TRIP11: variants seen among roughly 807,000 people sequenced by gnomAD.
The protein encoded by TRIP11 is thyroid hormone receptor interactor 11, also known as thyroid receptor-interacting protein 11.
A neutral mutation model predicts 223.1 loss-of-function variants in TRIP11; 148 were observed. The observed-to-expected ratio is 0.66, with a 90% CI of 0.58 to 0.76. The LOEUF (loss-of-function observed/expected upper bound fraction) is 0.76, where lower values mean the gene tolerates loss of function less well. Ranked by LOEUF, TRIP11 falls within the 30% of genes least tolerant of loss-of-function variation. The pLI, the probability that TRIP11 is intolerant of heterozygous loss-of-function variation, is 0.00. For synonymous variants in TRIP11, 762 were observed against 772.6 expected, an observed-to-expected ratio of 0.99 and a Z score of 0.23; for missense variants, 2,043 against 2,222.0, an observed-to-expected ratio of 0.92 and a Z score of 1.62.
At chr14:92,021,345 C>T (rs1457782965) in intron 4 of TRIP11, among the ~76,000 whole-genome samples, 7 of 148,298 alleles carry the variant, frequency 4.7e-5, no homozygotes, top group Admixed American at 1.3e-4. Context: ...GCCAAGATCA[C>T]GCTACTACAC....
At chr14:92,014,176 T>C (rs758770340) in intron 7 of TRIP11, 39 bp downstream of exon 7, 4 of 1,613,000 alleles carry the variant, frequency 2.5e-6, no homozygotes, top group Non-Finnish European at 2.5e-6. Context: ...TACTATGCAA[T>C]GAAACAGCAA....
chr14:92,039,622 T>G lies in TRIP11; in HGVS notation c.64A>C (p.Ser22Arg), dbSNP rs771479851. ...LGQSLGQVGG[S>R]LASLTGQISN... ...ATCTGGCCAGTGAGGGAAGCCAGGC[T>G]GCCCCCGACTTGACCCAGAGACTGG... The change falls in exon 1 of 21, where the codon AGC becomes CGC. Residue 22 changes from serine to arginine, a missense_variant. Ser to Arg is a moderately radical substitution (Grantham distance 110). Transcript: ENST00000267622. 1 of 1,612,932 alleles carries G rather than the reference T, an allele frequency of 6.2e-7. No individual in the cohort carries two copies. Among genetic ancestry groups the G allele is most frequent in the Admixed American group, 1.7e-5 (1 of 59,834 alleles).
intron 11 of TRIP11, 59 bp downstream of exon 11, chr14:92,003,360 A>AT: frequency 1.3e-6 from 2 of 1,597,956 alleles, no homozygotes; most frequent in African/African-American, 1.3e-5. Flanking sequence ...ATGAAATAAC[A>AT]TTAAAAAAAG....
intron 2 of TRIP11, chr14:92,026,902 A>G (rs897885322): frequency 1.5e-5 from 22 of 1,490,152 alleles, no homozygotes; most frequent in Admixed American, 2.0e-5. Context: ...CAAAAAAGGA[A>G]AAGTTAAACT....
chr14:91,983,857 C>T (rs998992784), intron 16 of TRIP11, among the ~76,000 whole-genome samples: 3 of 152,118 alleles, frequency 2.0e-5, no homozygotes, highest in African/African-American at 4.8e-5. Context: ...TCCTGGAAAA[C>T]GGAATGTCTT....
Position 92,005,432 on chromosome 14 carries a change from T to C in TRIP11, c.2544A>G (p.Ile848Met), listed in dbSNP as rs1362231056. 1 of 1,614,126 alleles carries C rather than the reference T, an allele frequency of 6.2e-7. No homozygotes were observed. The highest frequency in any genetic ancestry group is 1.3e-5 in the African/African-American group (1 of 75,056). The change falls in exon 11 of 21, where the codon ATA (isoleucine) becomes ATG (methionine). Residue 848 changes from isoleucine (I) to methionine (M), a missense_variant. Transcript: ENST00000267622. ...ATCCAAGACTTCGGTCTTTTTCCTCTATGGTCTGTCTTAAAATTTCATTTT... is the reference window on the plus strand; with the variant it reads ...ATCCAAGACTTCGGTCTTTTTCCTCCATGGTCTGTCTTAAAATTTCATTTT... ...LRKNEILRQT[I>M]EEKDRSLGSM...
At chr14:91,979,482 A>G (rs548669917) in intron 16 of TRIP11, among the ~76,000 whole-genome samples, 2 of 152,182 alleles carry the variant, frequency 1.3e-5, no homozygotes, top group Non-Finnish European at 2.9e-5. Flanking sequence ...GGTTTTTATT[A>G]AAGTCTCTGT....
At position 91,995,459 on chromosome 14, in the gene TRIP11, T is replaced by C. The variant is rs148041481; in HGVS notation, c.4949A>G (p.Lys1650Arg). 1.2e-6 allele frequency: 2 copies of C among 1,613,992 alleles called. No homozygotes were observed. The highest frequency in any genetic ancestry group is 3.3e-5 in the Admixed American group (2 of 59,996). ...CTGCAGCGCAGTTTCATCCCTTTGC[T>C]TGGAAACTACATTCAACTGTTCTTG... ...SLQEQLNVVS[K>R]QRDETALQLS... is the part of the protein sequence containing the mutation. Residue 1650 changes from lysine (K) to arginine (R), a missense_variant, in exon 14 of 21, where the codon AAG becomes AGG. By Grantham distance (26) the Lys-to-Arg change is conservative. Coordinates refer to ENST00000267622, the MANE Select transcript of TRIP11 (RefSeq NM_004239.4).
intron 17 of TRIP11, 27 bp downstream of exon 17, chr14:91,976,081 T>A: frequency 6.2e-7 from 1 of 1,602,408 alleles, no homozygotes; most frequent in Non-Finnish European, 8.5e-7. Flanking sequence ...CCACAAAATA[T>A]ACAAACATTA....
rs17127830 is a variant in TRIP11, at chr14:91,989,087, A to C, written c.5161-704T>G. Among the ~76,000 whole-genome samples, 1,327 of 152,320 alleles carry C rather than the reference A, an allele frequency of 8.7e-3. 19 individuals are homozygous for C. The highest frequency in any genetic ancestry group is 0.029 in the African/African-American group (1,218 of 41,582). On this transcript the variant is annotated intron_variant, in intron 15 of 20. Coordinates refer to ENST00000267622, the MANE Select transcript of TRIP11 (RefSeq NM_004239.4). ...TTGCTTTTACAGCTTCTTAAGTTTT[A>C]GTCTTGGTTAGGATCCTCCTTGCCC...
chr14:91,972,649 T>C (rs969025608), intron 20 of TRIP11, 68 bp downstream of exon 20: 16 of 1,499,154 alleles, frequency 1.1e-5, no homozygotes, highest in Non-Finnish European at 1.5e-5. Flanking sequence ...TTAATATCAC[T>C]GTGAAACATA....
intron 7 of TRIP11, among the ~76,000 whole-genome samples, chr14:92,012,760 T>C (rs537463956): frequency 7.2e-5 from 11 of 152,216 alleles, no homozygotes; most frequent in African/African-American, 2.4e-4. Context: ...GTCAGGAGCA[T>C]GGGAATAGTT....
intron 11 of TRIP11, among the ~76,000 whole-genome samples, chr14:92,001,272 G>GTGGA (rs1259652604): frequency 6.6e-6 from 1 of 151,892 alleles, no homozygotes; most frequent in Non-Finnish European, 1.5e-5. Flanking sequence ...AATATGTAAT[G>GTGGA]TATCCCCCAG....
chr14:92,017,624 C>T, intron 5 of TRIP11, 58 bp downstream of exon 5: 1 of 1,350,102 alleles, frequency 7.4e-7, no homozygotes, highest in Non-Finnish European at 1.1e-6. Context: ...CAGGCCTATG[C>T]TTTTAATAAG....
At chr14:91,972,613 CAT>C (rs2056413464) in intron 20 of TRIP11, 102 bp downstream of exon 20, 2 of 1,234,644 alleles carry the variant, frequency 1.6e-6, no homozygotes, top group East Asian at 4.9e-5. Flanking sequence ...CCTGATTACA[CAT>C]TTCCAAAAAT....
intron 11 of TRIP11, among the ~76,000 whole-genome samples, chr14:92,002,880 C>T (rs945901842): frequency 6.6e-6 from 1 of 152,096 alleles, no homozygotes; most frequent in African/African-American, 2.4e-5. Flanking sequence ...CGCGCCCAGC[C>T]AGCACATTCT....
Position 92,006,120 on chromosome 14 carries a change from T to C in TRIP11, c.1856A>G (p.Glu619Gly), listed in dbSNP as rs907911784. The change falls in exon 11 of 21, where the codon GAG (glutamate) becomes GGG (glycine). Residue 619 changes from glutamate (E) to glycine (G), a missense_variant. Coordinates refer to ENST00000267622, the MANE Select transcript of TRIP11 (RefSeq NM_004239.4). ...LKEHIRQNEE[E>G]LSRIRNELMQ... ...TAACTCATTCCTTATTCTAGAAAGC[T>C]CCTCCTCATTTTGTCTAATATGCTC... 1 of 1,608,644 alleles carries C rather than the reference T, an allele frequency of 6.2e-7. No homozygotes were observed. Among genetic ancestry groups the C allele is most frequent in the Non-Finnish European group, 8.5e-7 (1 of 1,178,462 alleles).
rs779711976 is a variant in TRIP11 at position 91,969,783 on chromosome 14, C to T, written c.5830G>A (p.Gly1944Arg). 5.0e-6 allele frequency: 8 copies of T among 1,613,968 alleles called. No individual in the cohort carries two copies. The highest frequency in any genetic ancestry group is 1.7e-5 in the Admixed American group (1 of 59,996). The change falls in exon 21 of 21, where the codon GGG (glycine) becomes AGG (arginine). Residue 1944 changes from glycine (G) to arginine (R), a missense_variant. Physicochemically the swap from Gly to Arg is moderately radical, Grantham distance 125. Transcript: ENST00000267622. ...GAGATGGGTTTCAGAAGAAGATGCCCGGGCCCACCAGGTCCAAGTCCAGCT... is the reference window on the plus strand; with the variant it reads ...GAGATGGGTTTCAGAAGAAGATGCCTGGGCCCACCAGGTCCAAGTCCAGCT... Reference protein sequence around the residue: ...NPAGLGPGGPGHLLLKPISDV... With the variant: ...NPAGLGPGGPRHLLLKPISDV...
At chr14:91,999,907 T>G in intron 12 of TRIP11, 61 bp downstream of exon 12, 1 of 1,600,254 alleles carries the variant, frequency 6.2e-7, no homozygotes, top group Non-Finnish European at 8.6e-7. Context: ...ACCTTTCCAG[T>G]TCTCTTAATA....
Sources: allele counts gnomAD v4.1 joint callset (sites outside exome capture counted in the v4.1 genomes callset), GRCh38; gene constraint gnomAD v4.1.1; transcripts MANE v1.5; gene names NCBI Gene and HGNC (gene_info 2026-07-23, HGNC 2026-07-21).